The following TRPS1 variants were observed in gnomAD, a reference collection of about 807,000 sequenced individuals.
TRPS1 encodes transcriptional repressor GATA binding 1.
Under a neutral mutation model 101.2 loss-of-function variants are expected in TRPS1, and 6 were observed. The observed-to-expected ratio is 0.06, with a 90% CI of 0.03 to 0.12. The LOEUF is 0.12. Ranked by LOEUF, TRPS1 falls within the 10% of genes least tolerant of loss-of-function variation. The pLI is 1.00. For synonymous variants in TRPS1, 578 were observed against 589.8 expected, an observed-to-expected ratio of 0.98 and a Z score of 0.29; for missense variants, 1,363 against 1,567.0, an observed-to-expected ratio of 0.87 and a Z score of 2.20.
chr8:115,621,809 G>C (rs1429362272), intron 2 of TRPS1, among the ~76,000 whole-genome samples: 1 of 151,880 alleles, frequency 6.6e-6, no homozygotes, highest in Non-Finnish European at 1.5e-5. Flanking sequence ...CCAGCTACTA[G>C]GGAGGCTGAG....
At chr8:115,569,496 G>A (rs1034312575) in intron 5 of TRPS1, among the ~76,000 whole-genome samples, 5 of 152,130 alleles carry the variant, frequency 3.3e-5, no homozygotes, top group Non-Finnish European at 7.4e-5. Context: ...ATGAGGTTGA[G>A]TTTGTAGTAC....
rs1812809100 is a variant in TRPS1 at position 115,412,280 on chromosome 8, C to T, written c.*1743G>A. 6.6e-6 allele frequency: 1 copy of T among 152,126 alleles called. No homozygotes were observed. Among genetic ancestry groups the T allele is most frequent in the Non-Finnish European group, 1.5e-5 (1 of 67,888 alleles). 9.4% of individuals were successfully genotyped at this position (152,126 alleles called of 1,614,324 possible). On this transcript the variant is annotated 3_prime_UTR_variant, in exon 7 of 7. Coordinates refer to ENST00000395715, the MANE Select transcript of TRPS1 (RefSeq NM_014112.5). ...CTTCTTGTTTTCCATACCATTATAG[C>T]AAGAACTTTCATTTGTTTCATGTTA...
chr8:115,593,784 C>A (rs771581922), intron 4 of TRPS1, among the ~76,000 whole-genome samples: 2 of 152,144 alleles, frequency 1.3e-5, no homozygotes, highest in Non-Finnish European at 2.9e-5. Context: ...TTAACCACCC[C>A]CGCATCCATA....
intron 4 of TRPS1, among the ~76,000 whole-genome samples, chr8:115,593,438 T>C (rs1563629246): frequency 1.3e-5 from 2 of 152,214 alleles, no homozygotes; most frequent in Admixed American, 6.5e-5. Context: ...CTCTTGTCTA[T>C]GGTTACTGTT....
intron 3 of TRPS1, 53 bp from the exon 4 acceptor site, chr8:115,605,055 G>A: frequency 6.4e-7 from 1 of 1,561,270 alleles, no homozygotes; most frequent in South Asian, 1.1e-5. Flanking sequence ...AATTCAATGG[G>A]CCCTCTGCAG....
chr8:115,509,827 A>G (rs572613906), intron 5 of TRPS1: 71 of 151,982 alleles, frequency 4.7e-4, no homozygotes, highest in African/African-American at 1.7e-3. Flanking sequence ...CTTTGCCTTT[A>G]TCTCCAATGC....
At chr8:115,635,014 C>T (rs1326358621) in intron 1 of TRPS1, among the ~76,000 whole-genome samples, 1 of 152,118 alleles carries the variant, frequency 6.6e-6, no homozygotes, top group African/African-American at 2.4e-5. Context: ...AATAGATGAA[C>T]CCTGGCAGGT....
At chr8:115,467,703 T>C (rs1246868508) in intron 5 of TRPS1, among the ~76,000 whole-genome samples, 1 of 152,182 alleles carries the variant, frequency 6.6e-6, no homozygotes, top group Non-Finnish European at 1.5e-5. Flanking sequence ...GGGATGAGAC[T>C]GACGTTCAAT....
chr8:115,428,899 A>C (rs1335994969), intron 5 of TRPS1, among the ~76,000 whole-genome samples: 3 of 152,214 alleles, frequency 2.0e-5, no homozygotes, highest in Non-Finnish European at 4.4e-5. Flanking sequence ...ACTTAATGTT[A>C]TGTCATTATT....
At chr8:115,577,650 G>A (rs1180370786) in intron 5 of TRPS1, among the ~76,000 whole-genome samples, 2 of 151,906 alleles carry the variant, frequency 1.3e-5, no homozygotes, top group Non-Finnish European at 2.9e-5. Context: ...CCTCACCAAT[G>A]TATGAAATAT....
intron 1 of TRPS1, among the ~76,000 whole-genome samples, chr8:115,627,930 T>C (rs112569368): frequency 2.7e-4 from 41 of 151,904 alleles, no homozygotes; most frequent in African/African-American, 9.6e-4. Context: ...ATGCTCGCTG[T>C]CTTCACAGCA....
intron 5 of TRPS1, among the ~76,000 whole-genome samples, chr8:115,495,905 T>C (rs800880): frequency 0.39 from 59,329 of 151,978 alleles, 12,009 homozygotes; most frequent in Non-Finnish European, 0.45. Flanking sequence ...GCTTGAATTA[T>C]TAGACATCTT....
chr8:115,665,991 A>G (rs1811912481), intron 1 of TRPS1, among the ~76,000 whole-genome samples: 1 of 152,210 alleles, frequency 6.6e-6, no homozygotes, highest in Non-Finnish European at 1.5e-5. Flanking sequence ...CTTCGCCAAC[A>G]GAGTACTAAT....
In TRPS1 at chr8:115,412,941, C is replaced by T. The variant is rs1586247968; in HGVS notation, c.*1082G>A. ...TGAAGGGATTGGCTGGTACATATAC[C>T]AACTGTCAGTCTGTGGTAACGTAAC... is the stretch of plus-strand genomic sequence containing the variant. On this transcript the variant is annotated 3_prime_UTR_variant, in exon 7 of 7. Coordinates refer to ENST00000395715, the MANE Select transcript of TRPS1 (RefSeq NM_014112.5). 1 of 152,532 alleles carries T rather than the reference C, an allele frequency of 6.6e-6. No individual in the cohort carries two copies. Among genetic ancestry groups the T allele is most frequent in the East Asian group, 1.9e-4 (1 of 5,164 alleles). The allele number at this position is 152,532 out of a possible 1,614,324, so 9.4% of individuals were successfully genotyped here.
At chr8:115,464,042 C>G (rs1198525832) in intron 5 of TRPS1, among the ~76,000 whole-genome samples, 1 of 151,920 alleles carries the variant, frequency 6.6e-6, no homozygotes, top group Admixed American at 6.6e-5. Flanking sequence ...GCTTCACATT[C>G]TTACCTCTTA....
chr8:115,602,763 T>C (rs558026269), intron 4 of TRPS1, among the ~76,000 whole-genome samples: 71 of 152,174 alleles, frequency 4.7e-4, no homozygotes, highest in Non-Finnish European at 9.4e-4. Context: ...AGTAAAGCTT[T>C]CTACTTTGAT....
intron 5 of TRPS1, among the ~76,000 whole-genome samples, chr8:115,476,470 T>C (rs1186139527): frequency 1.3e-5 from 2 of 152,140 alleles, no homozygotes; most frequent in Non-Finnish European, 2.9e-5. Flanking sequence ...GAGGGAGTTA[T>C]TTCCCTAGGA....
At chr8:115,580,399 G>A (rs755401696) in intron 5 of TRPS1, among the ~76,000 whole-genome samples, 3 of 151,756 alleles carry the variant, frequency 2.0e-5, no homozygotes, top group African/African-American at 4.8e-5. Flanking sequence ...GGGCTCTGCC[G>A]GAAAATTACC....
At chr8:115,451,911 T>C (rs1813883484) in intron 5 of TRPS1, among the ~76,000 whole-genome samples, 1 of 152,204 alleles carries the variant, frequency 6.6e-6, no homozygotes. Context: ...AAGTTTGCTG[T>C]AAGCTGTCCA....
Sources: gnomAD v4.1 joint callset for allele counts (sites outside exome capture counted in the v4.1 genomes callset) on GRCh38, gnomAD v4.1.1 for gene constraint, MANE v1.5 for transcripts, NCBI Gene and HGNC (gene_info 2026-07-23, HGNC 2026-07-21) for gene names.